The following TNFRSF8 variants were observed in gnomAD, a reference collection of about 807,000 sequenced individuals.
The protein encoded by TNFRSF8 is TNF receptor superfamily member 8.
A neutral mutation model predicts 70.8 loss-of-function variants in TNFRSF8; 26 were observed. That is an observed-to-expected ratio of 0.37 (90% CI 0.27 to 0.51). TNFRSF8 has a LOEUF of 0.51. TNFRSF8 is among the 20% of genes least tolerant of loss of function. The pLI is 0.94. For synonymous variants in TNFRSF8, 356 were observed against 339.2 expected, an observed-to-expected ratio of 1.05 and a Z score of -0.54; for missense variants, 720 against 807.9, an observed-to-expected ratio of 0.89 and a Z score of 1.32.
intron 13 of TNFRSF8, among the ~76,000 whole-genome samples, chr1:12,135,970 G>C (rs1177171021): frequency 6.6e-6 from 1 of 152,292 alleles, no homozygotes; most frequent in East Asian, 1.9e-4. Context: ...TACCAGGTCT[G>C]GTCAGGAGGA....
Position 12,126,067 on chromosome 1 carries a change from C to T in TNFRSF8, c.1255+15C>T. On this transcript the variant is annotated intron_variant, in intron 11 of 14. Coordinates refer to ENST00000263932, the MANE Select transcript of TNFRSF8 (RefSeq NM_001243.5). ...AATTCGGCAGAGTAAGTGGCTGTGT[C>T]CTTGGGGCCTTGGGGAGGACAGGTT... The T allele has an allele frequency of 6.2e-7, 1 of 1,613,038 alleles. No homozygotes were observed. Among genetic ancestry groups the T allele is most frequent in the Non-Finnish European group, 8.5e-7 (1 of 1,179,052 alleles).
chr1:12,077,478 C>G (rs1446068959), intron 1 of TNFRSF8, among the ~76,000 whole-genome samples: 1 of 152,190 alleles, frequency 6.6e-6, no homozygotes, highest in Admixed American at 6.5e-5. Context: ...TCCCTAGAAG[C>G]AGGGAACAGC....
intron 1 of TNFRSF8, among the ~76,000 whole-genome samples, chr1:12,082,221 C>G (rs911311086): frequency 9.9e-5 from 15 of 152,116 alleles, no homozygotes; most frequent in African/African-American, 2.4e-4. Context: ...TTCAAAGAAC[C>G]CTTGAAACAC....
chr1:12,118,114 C>G (rs186647763), intron 8 of TNFRSF8, among the ~76,000 whole-genome samples: 8 of 151,910 alleles, frequency 5.3e-5, no homozygotes, highest in African/African-American at 1.7e-4. Flanking sequence ...CCTCCCCCCC[C>G]ACCCTTTTCT....
At chr1:12,122,641 A>G (rs529946129) in intron 8 of TNFRSF8, among the ~76,000 whole-genome samples, 235 of 152,054 alleles carry the variant, frequency 1.5e-3, no homozygotes, top group Non-Finnish European at 3.0e-3. Flanking sequence ...AGGAAGACTC[A>G]ATCTCAAAAA....
At chr1:12,064,174 G>T (rs1270245292) in intron 1 of TNFRSF8, among the ~76,000 whole-genome samples, 6 of 152,058 alleles carry the variant, frequency 3.9e-5, no homozygotes, top group Non-Finnish European at 8.8e-5. Flanking sequence ...TGGGGTGAGG[G>T]TGCAGGACCA....
chr1:12,108,240 G>A lies in TNFRSF8; in HGVS notation c.422-1326G>A, dbSNP rs1214587164. Among the ~76,000 whole-genome samples, 3 of 151,474 alleles carry A rather than the reference G, an allele frequency of 2.0e-5. No homozygotes were observed. Among genetic ancestry groups the A allele is most frequent in the Non-Finnish European group, 2.9e-5 (2 of 67,818 alleles). On this transcript the variant is annotated intron_variant, in intron 4 of 14. Coordinates refer to ENST00000263932, the MANE Select transcript of TNFRSF8 (RefSeq NM_001243.5). This position sits in a 1 kb window ranked among gnomAD's most constrained non-coding sequence, Gnocchi z 4.0. ...ATTACAGGTACCTGCCACCATGCCC[G>A]GCTAATTTTTTGTAATTTTAGTAGA...
At chr1:12,102,926 T>C (rs1279042870) in intron 3 of TNFRSF8, among the ~76,000 whole-genome samples, 2 of 152,224 alleles carry the variant, frequency 1.3e-5, no homozygotes, top group Non-Finnish European at 2.9e-5. Context: ...TTCTAGTGGT[T>C]GTGAAGTGGT....
At position 12,138,148 on chromosome 1, in the gene TNFRSF8, A is replaced by C; in HGVS notation, c.1336-81A>C. On this transcript the variant is annotated intron_variant, in intron 13 of 14. Coordinates refer to ENST00000263932, the MANE Select transcript of TNFRSF8 (RefSeq NM_001243.5). This position sits in a 1 kb window ranked among gnomAD's most constrained non-coding sequence, Gnocchi z 5.7. Reference sequence around the variant, plus strand: ...GACTCACTGGGGTCTGTAGAGATGAAAAAAAAAAGGGGCCTCCCAGTTCAG... The same window carrying C: ...GACTCACTGGGGTCTGTAGAGATGACAAAAAAAAGGGGCCTCCCAGTTCAG... The C allele has an allele frequency of 1.4e-6, 2 of 1,446,036 alleles. No homozygotes were observed. The highest frequency in any genetic ancestry group is 2.3e-5 in the East Asian group (1 of 42,724). 89.6% of individuals were successfully genotyped at this position (1,446,036 alleles called of 1,614,324 possible).
chr1:12,102,143 CT>C (rs2100992258), intron 3 of TNFRSF8, among the ~76,000 whole-genome samples: 1 of 152,302 alleles, frequency 6.6e-6, no homozygotes, highest in East Asian at 1.9e-4. Flanking sequence ...TTCCTTGGCG[CT>C]GGTTTTCCTC....
rs1164046447 is a variant in TNFRSF8, at chr1:12,113,473, C to T, written c.793+1459C>T. Among the ~76,000 whole-genome samples, 3 of 151,400 alleles carry T rather than the reference C, an allele frequency of 2.0e-5. No individual in the cohort carries two copies. Among genetic ancestry groups the T allele is most frequent in the African/African-American group, 7.4e-5 (3 of 40,764 alleles). On this transcript the variant is annotated intron_variant, in intron 7 of 14. Coordinates refer to ENST00000263932, the MANE Select transcript of TNFRSF8 (RefSeq NM_001243.5). This position sits in a 1 kb window ranked among gnomAD's most constrained non-coding sequence, Gnocchi z 4.9. ...ACAAGCATGAGCCATTGCCCCCGGCCATAAAAGTCTTGAGAGAGAGAGACA... is the reference window on the plus strand; with the variant it reads ...ACAAGCATGAGCCATTGCCCCCGGCTATAAAAGTCTTGAGAGAGAGAGACA...
In TNFRSF8 at chr1:12,097,097, C is replaced by A; in HGVS notation, c.152-4C>A. The A allele has an allele frequency of 6.2e-7, 1 of 1,612,852 alleles. No individual in the cohort carries two copies. Among genetic ancestry groups the A allele is most frequent in the South Asian group, 1.1e-5 (1 of 91,042 alleles). ...GCTTGGAGCTTCTCTGTTTCTTTTC[C>A]CAGGGCTGTTCCCGACACAGCAGTG... On this transcript the variant is annotated splice_region_variant and splice_polypyrimidine_tract_variant and intron_variant, in intron 2 of 14. Transcript: ENST00000263932.
At chr1:12,092,609 G>A (rs558550095) in intron 2 of TNFRSF8, among the ~76,000 whole-genome samples, 11 of 149,894 alleles carry the variant, frequency 7.3e-5, no homozygotes, top group African/African-American at 2.2e-4. Flanking sequence ...CCGGGTTCAC[G>A]CCATTCTCCT....
chr1:12,089,277 CCAGGGCTTGGCA>C (rs775896967), intron 2 of TNFRSF8, among the ~76,000 whole-genome samples: 31 of 152,122 alleles, frequency 2.0e-4, no homozygotes, highest in Admixed American at 1.6e-3. Context: ...AGCCCTGACC[CCAGGGCTTGGCA>C]CATAGTAGAG....
chr1:12,074,038 C>T (rs932374554), intron 1 of TNFRSF8, among the ~76,000 whole-genome samples: 1 of 152,082 alleles, frequency 6.6e-6, no homozygotes, highest in Non-Finnish European at 1.5e-5. Context: ...CTGGAATCTT[C>T]AGGATCCCTG....
chr1:12,074,155 C>T (rs535361042), intron 1 of TNFRSF8, among the ~76,000 whole-genome samples: 8 of 151,934 alleles, frequency 5.3e-5, no homozygotes, highest in Non-Finnish European at 7.4e-5. Flanking sequence ...GGACTCAAGG[C>T]GTGATCTTGC....
At position 12,138,315 on chromosome 1, in the gene TNFRSF8, C is replaced by G; in HGVS notation, c.1422C>G (p.Ser474Arg). The G allele has an allele frequency of 6.2e-7, 1 of 1,613,740 alleles. No homozygotes were observed. The highest frequency in any genetic ancestry group is 8.5e-7 in the Non-Finnish European group (1 of 1,179,966). ...AGCCACTGATGGAGACCTGCCACAG[C>G]GTGGGGGCAGCCTACCTGGAGAGCC... ...MSQPLMETCH[S>R]VGAAYLESLP... Residue 474 changes from serine (S) to arginine (R), a missense_variant, in exon 14 of 15, where the codon AGC becomes AGG. By Grantham distance (110) the Ser-to-Arg change is moderately radical. Transcript: ENST00000263932. This position sits in a 1 kb window ranked among gnomAD's most constrained non-coding sequence, Gnocchi z 5.7.
chr1:12,136,110 TC>T (rs140415159), intron 13 of TNFRSF8, among the ~76,000 whole-genome samples: 3,940 of 152,182 alleles, frequency 0.026, 238 homozygotes, highest in East Asian at 0.26. Flanking sequence ...TCCATTACTT[TC>T]TTTTAATTCA....
rs367757015 is a variant in TNFRSF8, at chr1:12,123,666, C to T, written c.1041-49C>T. 9.0e-5 allele frequency: 131 copies of T among 1,454,642 alleles called. No homozygotes were observed. The African/African-American group carries it at 1.7e-3, about 19-fold the overall frequency. 90.1% of individuals were successfully genotyped at this position (1,454,642 alleles called of 1,614,324 possible). A position where few individuals can be genotyped will look rare whatever the true frequency, so the allele number is the denominator to read the frequency against. Reference sequence around the variant, plus strand: ...AAAGGGAATTATTCCTGAAGACCCACTTCCCTCTTCCCATCTTCATCACTC... The same window carrying T: ...AAAGGGAATTATTCCTGAAGACCCATTTCCCTCTTCCCATCTTCATCACTC... On this transcript the variant is annotated intron_variant, in intron 9 of 14. Transcript: ENST00000263932.
Sources: gnomAD v4.1 joint callset for allele counts (sites outside exome capture counted in the v4.1 genomes callset) on GRCh38, gnomAD v4.1.1 for gene constraint, Gnocchi (gnomAD v3.1) non-coding constraint, MANE v1.5 for transcripts, NCBI Gene and HGNC (gene_info 2026-07-23, HGNC 2026-07-21) for gene names.